TMPRSS15: variants seen among roughly 807,000 people sequenced by gnomAD.
TMPRSS15 encodes enteropeptidase.
In TMPRSS15, 128 loss-of-function variants were observed where a neutral mutation model predicts 125.3. That is an observed-to-expected ratio of 1.02 (90% CI 0.89 to 1.18). The LOEUF is 1.18. TMPRSS15 is among the 50% of genes most tolerant of loss of function. The pLI, the probability that TMPRSS15 is intolerant of heterozygous loss-of-function variation, is 0.00. For synonymous variants in TMPRSS15, 446 were observed against 423.2 expected (o/e 1.05, Z -0.66); for missense variants, 1,283 against 1,212.7 (o/e 1.06, Z -0.86).
chr21:18,278,510 G>A (rs1223093423), intron 23 of TMPRSS15, among the ~76,000 whole-genome samples: 2 of 152,064 alleles, frequency 1.3e-5, no homozygotes, highest in Non-Finnish European at 2.9e-5. Flanking sequence ...ACGAGGTCAG[G>A]AGATCGAGAC....
chr21:18,406,541 AAAAG>A (rs1447734275), upstream of TMPRSS15, among the ~76,000 whole-genome samples: 1 of 152,206 alleles, frequency 6.6e-6, no homozygotes, highest in African/African-American at 2.4e-5. Flanking sequence ...AACCAAACAA[AAAAG>A]AAAGAAAACA....
At chr21:18,354,280 C>T (rs189823722) in intron 8 of TMPRSS15, among the ~76,000 whole-genome samples, 1 of 151,860 alleles carries the variant, frequency 6.6e-6, no homozygotes, top group East Asian at 1.9e-4. Context: ...GGTAAAATAA[C>T]AGAAACAAAA....
At chr21:18,372,063 T>C (rs1454936368) in intron 6 of TMPRSS15, 130 bp downstream of exon 6, 1 of 647,792 alleles carries the variant, frequency 1.5e-6, no homozygotes, top group Non-Finnish European at 2.3e-6. Flanking sequence ...TTTAAATAGC[T>C]CATTCTTCAG....
intron 1 of TMPRSS15, among the ~76,000 whole-genome samples, chr21:18,410,639 T>A (rs998723066): frequency 3.3e-5 from 5 of 152,114 alleles, no homozygotes; most frequent in Admixed American, 6.5e-5. Context: ...ACTATTTTTG[T>A]TATTGGATGG....
chr21:18,404,934 A>G (rs1302134673), upstream of TMPRSS15, among the ~76,000 whole-genome samples: 2 of 152,084 alleles, frequency 1.3e-5, no homozygotes, highest in African/African-American at 4.8e-5. Context: ...TATATATATG[A>G]AATCAGAGAC....
At chr21:18,479,137 A>T (rs1217035408) in intron 1 of TMPRSS15, among the ~76,000 whole-genome samples, 1 of 151,932 alleles carries the variant, frequency 6.6e-6, no homozygotes, top group Non-Finnish European at 1.5e-5. Flanking sequence ...TTGGATTTGG[A>T]ATGCTCAATC....
intron 17 of TMPRSS15, among the ~76,000 whole-genome samples, chr21:18,314,281 A>AT (rs899001263): frequency 1.4e-4 from 22 of 151,922 alleles, no homozygotes; most frequent in African/African-American, 2.4e-4. Flanking sequence ...ATAGCCGATT[A>AT]TTTTTTTCTT....
rs1461927983 is a variant in TMPRSS15 at position 18,396,808 on chromosome 21, G to GTCTGTCTGTCTGTCTATCTATCTATCTA, written c.344+1070_344+1071insTAGATAGATAGATAGACAGACAGACAGA. Among the ~76,000 whole-genome samples, 210 of 107,854 alleles carry GTCTGTCTGTCTGTCTATCTATCTATCTA rather than the reference G, an allele frequency of 1.9e-3. 1 individual carries two copies. The highest frequency in any genetic ancestry group is 4.5e-3 in the South Asian group (12 of 2,670). The allele number at this position is 107,854 out of a possible 152,430, so 70.8% of individuals were successfully genotyped here. On this transcript the variant is annotated intron_variant, in intron 3 of 24. Transcript: ENST00000284885. ...AAAAAAAAAATCTGTCTGTCTGTCT[G>GTCTGTCTGTCTGTCTATCTATCTATCTA]TCTATCTATCTATCTATCTATCTAT...
At chr21:18,408,599 ATAATTT>A (rs1437576395), upstream of TMPRSS15, among the ~76,000 whole-genome samples, 2 of 152,082 alleles carry the variant, frequency 1.3e-5, no homozygotes, top group Non-Finnish European at 2.9e-5. Flanking sequence ...GACTTTCTAT[ATAATTT>A]TAACATGTTA....
At chr21:18,462,457 T>A (rs1011912515) in intron 1 of TMPRSS15, among the ~76,000 whole-genome samples, 1 of 152,106 alleles carries the variant, frequency 6.6e-6, no homozygotes, top group African/African-American at 2.4e-5. Flanking sequence ...TTTATTTAAT[T>A]AGATAAATCA....
chr21:18,468,170 G>C (rs1302414572), intron 1 of TMPRSS15, among the ~76,000 whole-genome samples: 2 of 152,028 alleles, frequency 1.3e-5, no homozygotes, highest in South Asian at 4.1e-4. Context: ...GATTTGGAAG[G>C]CTTACAATGA....
chr21:18,298,578 A>G (rs780569543), intron 18 of TMPRSS15, among the ~76,000 whole-genome samples: 1 of 152,238 alleles, frequency 6.6e-6, no homozygotes, highest in Non-Finnish European at 1.5e-5. Context: ...TCTCTTAATT[A>G]TCCTGACACT....
chr21:18,370,219 T>G (rs947273563), intron 6 of TMPRSS15, among the ~76,000 whole-genome samples: 1 of 152,148 alleles, frequency 6.6e-6, no homozygotes, highest in African/African-American at 2.4e-5. Flanking sequence ...GCATTAAAAC[T>G]TATTTTAGGA....
chr21:18,441,111 G>A (rs2076240422), intron 1 of TMPRSS15, among the ~76,000 whole-genome samples: 1 of 151,426 alleles, frequency 6.6e-6, no homozygotes, highest in Non-Finnish European at 1.5e-5. Flanking sequence ...TGACCAATAT[G>A]ATGAAATCCT....
chr21:18,312,139 A>G (rs2075106924), intron 18 of TMPRSS15, among the ~76,000 whole-genome samples: 1 of 152,092 alleles, frequency 6.6e-6, no homozygotes, highest in Admixed American at 6.5e-5. Flanking sequence ...TAAATCTTCA[A>G]AATCATTAAG....
chr21:18,275,227 G>C lies in TMPRSS15; in HGVS notation c.2874C>G (p.Gly958=), dbSNP rs766054019. Residue 958 remains glycine, a synonymous_variant, in exon 24 of 25, where the codon GGC becomes GGG. Coordinates refer to ENST00000284885, the MANE Select transcript of TMPRSS15 (RefSeq NM_002772.3). ...YNITENMICA[G]YEEGGIDSCQ... Reference sequence around the variant, plus strand: ...AAGAATCTATTCCTCCTTCTTCATAGCCTGCACATATCATATTTTCAGTAA... The same window carrying C: ...AAGAATCTATTCCTCCTTCTTCATACCCTGCACATATCATATTTTCAGTAA... The C allele has an allele frequency of 6.2e-7, 1 of 1,613,806 alleles. No individual in the cohort carries two copies. The highest frequency in any genetic ancestry group is 8.5e-7 in the Non-Finnish European group (1 of 1,179,950).
chr21:18,313,201 C>CACAG (rs945932230), intron 17 of TMPRSS15, 124 bp from the exon 18 acceptor site: 1 of 751,194 alleles, frequency 1.3e-6, no homozygotes, highest in African/African-American at 1.7e-5. Context: ...AGATCTCTTG[C>CACAG]ACAGCACTGT....
chr21:18,441,606 CAAAAAAAA>C (rs201137705), intron 1 of TMPRSS15, among the ~76,000 whole-genome samples: 42,063 of 98,526 alleles, frequency 0.43, 7,838 homozygotes, highest in East Asian at 0.71. Flanking sequence ...GACTCCATCT[CAAAAAAAA>C]AAAAAAAAAA....
intron 21 of TMPRSS15, among the ~76,000 whole-genome samples, chr21:18,288,528 C>CTTTT (rs149147539): frequency 2.9e-4 from 28 of 96,964 alleles, no homozygotes; most frequent in African/African-American, 6.0e-4. Flanking sequence ...AATGCTCTTC[C>CTTTT]TTTTTTTTTT....
Sources: gnomAD v4.1 joint callset for allele counts (sites outside exome capture counted in the v4.1 genomes callset) on GRCh38, gnomAD v4.1.1 for gene constraint, MANE v1.5 for transcripts, NCBI Gene and HGNC (gene_info 2026-07-23, HGNC 2026-07-21) for gene names.